DPH6: variants seen among roughly 807,000 people sequenced by gnomAD.
The protein encoded by DPH6 is diphthine--ammonia ligase.
DPH6 carries 33 observed loss-of-function variants against 38.2 expected under a neutral mutation model. The ratio of observed to expected loss-of-function variants is 0.86; its 90% CI spans 0.65 to 1.15. The LOEUF (loss-of-function observed/expected upper bound fraction) is 1.15. Ranked by LOEUF, DPH6 falls within the 50% of genes most tolerant of loss-of-function variation. DPH6 has a pLI of 0.00. For synonymous variants in DPH6, 108 were observed against 103.0 expected, an observed-to-expected ratio of 1.05 and a Z score of -0.30; for missense variants, 325 against 320.0, an observed-to-expected ratio of 1.02 and a Z score of -0.12.
the DPH6 span, among the ~76,000 whole-genome samples, chr15:35,191,049 T>C: frequency 2.0e-5 from 3 of 152,206 alleles, no homozygotes; most frequent in African/African-American, 7.2e-5. Context: ...CTTTAGGGTA[T>C]CATTTTCTAA....
chr15:35,228,207 C>A lies in DPH6; in HGVS notation n.201-7625G>T, dbSNP rs72707085. On this transcript the variant is annotated intron_variant and non_coding_transcript_variant, in intron 3 of 3. Transcript: ENST00000560386. Reference sequence around the variant, plus strand: ...ACAAAAAGAAATAATAAAGACCCTGCACCTTAAAAGTTAAAAAGTGTCCCC... The same window carrying A: ...ACAAAAAGAAATAATAAAGACCCTGAACCTTAAAAGTTAAAAAGTGTCCCC... 1.6e-3 allele frequency among the ~76,000 whole-genome samples: 248 copies of A among 152,212 alleles called. 1 individual carries two copies. The highest frequency in any genetic ancestry group is 4.2e-3 in the East Asian group (22 of 5,190).
chr15:35,332,175 C>A (rs1423707757), intron 3 of DPH6, among the ~76,000 whole-genome samples: 1 of 152,044 alleles, frequency 6.6e-6, no homozygotes, highest in Non-Finnish European at 1.5e-5. Context: ...TTTAAAATAT[C>A]AGAAAATAAT....
intron 3 of DPH6, among the ~76,000 whole-genome samples, chr15:35,525,791 G>A (rs1420733857): frequency 1.3e-5 from 2 of 152,040 alleles, no homozygotes; most frequent in Non-Finnish European, 2.9e-5. Flanking sequence ...AGTGAGCCAC[G>A]ATAGCTCCAC....
intron 5 of DPH6, among the ~76,000 whole-genome samples, chr15:35,415,548 G>C (rs955334415): frequency 6.6e-6 from 1 of 151,972 alleles, no homozygotes; most frequent in Non-Finnish European, 1.5e-5. Flanking sequence ...TCTCATTTCA[G>C]AGATGGCTGT....
chr15:35,312,212 A>G (rs2052149041), intron 3 of DPH6, among the ~76,000 whole-genome samples: 1 of 152,228 alleles, frequency 6.6e-6, no homozygotes, highest in Admixed American at 6.5e-5. Context: ...ATGCATTTCC[A>G]AAAGATAAAT....
chr15:35,308,233 C>CATAA (rs934874297), intron 3 of DPH6, among the ~76,000 whole-genome samples: 94 of 151,880 alleles, frequency 6.2e-4, no homozygotes, highest in African/African-American at 1.2e-3. Context: ...CCTGTCACTG[C>CATAA]ATAAATAAAT....
chr15:35,379,151 C>T (rs2052827301), intron 7 of DPH6, among the ~76,000 whole-genome samples: 1 of 152,210 alleles, frequency 6.6e-6, no homozygotes, highest in Non-Finnish European at 1.5e-5. Context: ...CGTTCTCTGA[C>T]TCGGACCCTT....
chr15:35,513,220 T>C (rs1025951849), intron 3 of DPH6, among the ~76,000 whole-genome samples: 3 of 152,096 alleles, frequency 2.0e-5, no homozygotes, highest in African/African-American at 4.8e-5. Context: ...TTGAGCAACA[T>C]CTTCATATTT....
chr15:35,292,073 C>G (rs1359785345), intron 3 of DPH6, among the ~76,000 whole-genome samples: 2 of 151,956 alleles, frequency 1.3e-5, no homozygotes, highest in African/African-American at 4.8e-5. Context: ...AAACTGAGCC[C>G]TAAAAGGAGA....
At chr15:35,219,560 T>C (rs1025000177) in exon 4 of DPH6, 4 of 152,188 alleles carry the variant, frequency 2.6e-5, no homozygotes, top group African/African-American at 9.6e-5. Context: ...TCACGCAGCC[T>C]AGTGACTGAA....
chr15:35,336,746 A>G (rs2052376234), intron 3 of DPH6, among the ~76,000 whole-genome samples: 2 of 152,186 alleles, frequency 1.3e-5, no homozygotes, highest in Non-Finnish European at 2.9e-5. Context: ...GCTGGATTAC[A>G]TTTATTGATT....
chr15:35,373,426 T>C (rs2052738369), intron 8 of DPH6, 95 bp downstream of exon 8: 1 of 1,074,374 alleles, frequency 9.3e-7, no homozygotes, highest in East Asian at 2.8e-5. Context: ...AATTTTCTTT[T>C]TCCTGTCATC....
intron 7 of DPH6, among the ~76,000 whole-genome samples, chr15:35,379,027 C>G (rs1439136807): frequency 6.6e-6 from 1 of 152,172 alleles, no homozygotes; most frequent in African/African-American, 2.4e-5. Flanking sequence ...ACTGCATTCT[C>G]TCTTGGGACT....
At chr15:35,246,569 G>A (rs890400537) in intron 3 of DPH6, among the ~76,000 whole-genome samples, 2 of 152,096 alleles carry the variant, frequency 1.3e-5, no homozygotes, top group Non-Finnish European at 2.9e-5. Flanking sequence ...TTCATCCTTG[G>A]AGAGCACATT....
chr15:35,521,053 A>G (rs557169239), intron 3 of DPH6: 3 of 985,250 alleles, frequency 3.0e-6, no homozygotes, highest in Admixed American at 6.2e-5. Flanking sequence ...TGTAGATTTC[A>G]TTTTATTACA....
At chr15:35,339,474 G>A (rs3940645) in intron 3 of DPH6, among the ~76,000 whole-genome samples, 68 of 151,864 alleles carry the variant, frequency 4.5e-4, no homozygotes, top group Non-Finnish European at 6.9e-4. Context: ...ATAGGCATGT[G>A]CCACCACACC....
At chr15:35,384,622 C>T (rs140158676) in intron 6 of DPH6, among the ~76,000 whole-genome samples, 34 of 152,108 alleles carry the variant, frequency 2.2e-4, no homozygotes, top group African/African-American at 7.5e-4. Context: ...GAGATCGCAC[C>T]ATTGCACTCC....
At chr15:35,510,368 T>C (rs915093233) in intron 3 of DPH6, among the ~76,000 whole-genome samples, 5 of 152,224 alleles carry the variant, frequency 3.3e-5, no homozygotes, top group African/African-American at 1.2e-4. Flanking sequence ...TACATCTTTA[T>C]TGCTGGAAGC....
At chr15:35,290,025 A>T (rs949646823) in intron 3 of DPH6, among the ~76,000 whole-genome samples, 1 of 152,224 alleles carries the variant, frequency 6.6e-6, no homozygotes, top group East Asian at 1.9e-4. Flanking sequence ...AATAAAAGTA[A>T]ACCACACTAA....
Sources: allele counts gnomAD v4.1 joint callset (sites outside exome capture counted in the v4.1 genomes callset), GRCh38; gene constraint gnomAD v4.1.1; transcripts MANE v1.5; gene names NCBI Gene and HGNC (gene_info 2026-07-23, HGNC 2026-07-21).